C10orf90: variants seen among roughly 807,000 people sequenced by gnomAD.
C10orf90 encodes chromosome 10 open reading frame 90, also known as (E2-independent) E3 ubiquitin-conjugating enzyme FATS.
In C10orf90, 56 loss-of-function variants were observed where a neutral mutation model predicts 62.5. The ratio of observed to expected loss-of-function variants is 0.90; its 90% CI spans 0.72 to 1.12. The LOEUF (loss-of-function observed/expected upper bound fraction) is 1.12, where lower values mean the gene tolerates loss of function less well. Ranked by LOEUF, C10orf90 falls within the 50% of genes most tolerant of loss-of-function variation. The pLI, the probability that C10orf90 is intolerant of heterozygous loss-of-function variation, is 0.00. For synonymous variants in C10orf90, 386 were observed against 340.4 expected (o/e 1.13, Z -1.47); for missense variants, 970 against 880.4 (o/e 1.10, Z -1.29).
intron 2 of C10orf90, among the ~76,000 whole-genome samples, chr10:126,599,545 G>T (rs1352104321): frequency 6.6e-6 from 1 of 151,714 alleles, no homozygotes; most frequent in Non-Finnish European, 1.5e-5. Flanking sequence ...CATTAGGAAG[G>T]ATCGGAAGAC....
intron 1 of C10orf90, among the ~76,000 whole-genome samples, chr10:126,657,612 T>C (rs905342712): frequency 2.6e-5 from 4 of 151,568 alleles, no homozygotes; most frequent in African/African-American, 7.3e-5. Context: ...CTTTGTCTTT[T>C]TTTTTTTCTT....
intron 7 of C10orf90, among the ~76,000 whole-genome samples, chr10:126,457,278 T>C (rs963920298): frequency 6.6e-6 from 1 of 152,194 alleles, no homozygotes; most frequent in African/African-American, 2.4e-5. Flanking sequence ...TGTGAGCCAC[T>C]GGGCCCTGCC....
At chr10:126,503,280 GC>G (rs1862506578) in intron 4 of C10orf90, among the ~76,000 whole-genome samples, 2 of 152,164 alleles carry the variant, frequency 1.3e-5, no homozygotes, top group African/African-American at 4.8e-5. Context: ...ATTCTTCCCG[GC>G]CCTGGAAATG....
intron 2 of C10orf90, among the ~76,000 whole-genome samples, chr10:126,558,616 T>C (rs1864830046): frequency 6.6e-6 from 1 of 152,220 alleles, no homozygotes. Context: ...AGGAGGCCTT[T>C]CTTGAGCCTC....
chr10:126,606,681 G>A (rs1407941790), intron 2 of C10orf90, among the ~76,000 whole-genome samples: 1 of 152,190 alleles, frequency 6.6e-6, no homozygotes, highest in Non-Finnish European at 1.5e-5. Context: ...TTTAGAAATG[G>A]GGAGTGGGGC....
chr10:126,669,810 G>A (rs1846710792), intron 1 of C10orf90, among the ~76,000 whole-genome samples: 1 of 151,312 alleles, frequency 6.6e-6, no homozygotes, highest in Non-Finnish European at 1.5e-5. Context: ...ATTTTAACTC[G>A]ATGAAGGCAC....
At chr10:126,522,263 C>T (rs1219211549) in intron 2 of C10orf90, among the ~76,000 whole-genome samples, 3 of 113,484 alleles carry the variant, frequency 2.6e-5, no homozygotes, top group African/African-American at 3.7e-5. Context: ...AGTGAAACTC[C>T]ATTTCAAAAA....
chr10:126,629,906 C>G (rs1198586395), intron 2 of C10orf90, among the ~76,000 whole-genome samples: 2 of 152,178 alleles, frequency 1.3e-5, no homozygotes, highest in Non-Finnish European at 2.9e-5. Context: ...GGTCTCCAGA[C>G]CCCAATGATC....
At chr10:126,554,704 G>A (rs900836714) in intron 2 of C10orf90, among the ~76,000 whole-genome samples, 1 of 152,180 alleles carries the variant, frequency 6.6e-6, no homozygotes, top group African/African-American at 2.4e-5. Flanking sequence ...TGCAGAGGCA[G>A]TACAATATTT....
chr10:126,462,480 A>G (rs1347435368), intron 5 of C10orf90, among the ~76,000 whole-genome samples: 2 of 152,114 alleles, frequency 1.3e-5, no homozygotes, highest in Non-Finnish European at 2.9e-5. Context: ...CCCCTTCCCA[A>G]GGCACGACCC....
At chr10:126,451,695 G>GAC (rs1554888074) in intron 7 of C10orf90, among the ~76,000 whole-genome samples, 1 of 150,994 alleles carries the variant, frequency 6.6e-6, no homozygotes, top group African/African-American at 2.4e-5. Context: ...ATAGTCTATT[G>GAC]ATATATATAT....
chr10:126,604,780 C>T (rs760721883), intron 2 of C10orf90, among the ~76,000 whole-genome samples: 2 of 152,202 alleles, frequency 1.3e-5, no homozygotes, highest in Non-Finnish European at 2.9e-5. Flanking sequence ...ATTTCTTTAG[C>T]TACATGGATC....
At chr10:126,568,201 A>G (rs1844432366) in intron 2 of C10orf90, among the ~76,000 whole-genome samples, 1 of 152,184 alleles carries the variant, frequency 6.6e-6, no homozygotes, top group South Asian at 2.1e-4. Flanking sequence ...TCCCTAGCTC[A>G]GAAGTCAGGC....
chr10:126,497,183 G>A (rs1346360155), intron 4 of C10orf90, among the ~76,000 whole-genome samples: 1 of 152,200 alleles, frequency 6.6e-6, no homozygotes, highest in African/African-American at 2.4e-5. Flanking sequence ...AGGAGCACCT[G>A]TTCTTGCTGC....
intron 4 of C10orf90, among the ~76,000 whole-genome samples, chr10:126,475,742 T>G (rs1465637859): frequency 1.3e-5 from 2 of 152,178 alleles, no homozygotes; most frequent in Non-Finnish European, 2.9e-5. Flanking sequence ...GATTTCATGC[T>G]GAGTTGTGAA....
intron 2 of C10orf90, among the ~76,000 whole-genome samples, chr10:126,544,744 T>A (rs923448603): frequency 1.3e-5 from 2 of 152,156 alleles, no homozygotes; most frequent in Non-Finnish European, 2.9e-5. Context: ...AATCGCATAA[T>A]TCATGGGCTG....
At chr10:126,650,315 A>G (rs1488765337) in intron 1 of C10orf90, among the ~76,000 whole-genome samples, 1 of 152,236 alleles carries the variant, frequency 6.6e-6, no homozygotes, top group Non-Finnish European at 1.5e-5. Flanking sequence ...GTAGTTTACC[A>G]AAGCCACACA....
At chr10:126,623,060 G>A (rs1477987991) in intron 2 of C10orf90, among the ~76,000 whole-genome samples, 1 of 152,152 alleles carries the variant, frequency 6.6e-6, no homozygotes, top group Non-Finnish European at 1.5e-5. Flanking sequence ...GCAAGACCTC[G>A]GGCCCCGACC....
intron 2 of C10orf90, among the ~76,000 whole-genome samples, chr10:126,625,932 T>G (rs1344426119): frequency 1.3e-5 from 2 of 151,924 alleles, no homozygotes; most frequent in Non-Finnish European, 2.9e-5. Flanking sequence ...CTCGCCAACA[T>G]GGTGAAACCC....
Sources: allele counts gnomAD v4.1 joint callset (sites outside exome capture counted in the v4.1 genomes callset), GRCh38; gene constraint gnomAD v4.1.1; transcripts MANE v1.5; gene names NCBI Gene and HGNC (gene_info 2026-07-23, HGNC 2026-07-21).